The following PABPC1 variants were observed in gnomAD, a reference collection of about 807,000 sequenced individuals.
PABPC1 encodes the protein poly(A) binding protein cytoplasmic 1.
Under a neutral mutation model 74.0 loss-of-function variants are expected in PABPC1, and 4 were observed. The observed-to-expected ratio is 0.05, with a 90% confidence interval of 0.03 to 0.12. The LOEUF (loss-of-function observed/expected upper bound fraction) is 0.12, where lower values mean the gene tolerates loss of function less well. Among genes scored for constraint, PABPC1 ranks in the 10% least tolerant of loss-of-function variants. The pLI, the probability that PABPC1 is intolerant of heterozygous loss-of-function variation, is 1.00. For missense variants in PABPC1, 271 were observed against 821.1 expected, an observed-to-expected ratio of 0.33 and a Z score of 8.19; for synonymous variants, 227 against 264.1, an observed-to-expected ratio of 0.86 and a Z score of 1.36.
chr8:100,717,136 G>T (rs776059418), intron 3 of PABPC1, among the ~76,000 whole-genome samples: 7 of 151,992 alleles, frequency 4.6e-5, no homozygotes, highest in Non-Finnish European at 1.0e-4. Flanking sequence ...TCAGCCTCCC[G>T]AGTAGCTAGG....
intron 13 of PABPC1, 100 bp downstream of exon 13, chr8:100,704,826 T>A: frequency 2.5e-6 from 3 of 1,193,004 alleles, no homozygotes; most frequent in Non-Finnish European, 3.6e-6. Context: ...TGTACATGGC[T>A]TATATATAAC....
intron 1 of PABPC1, among the ~76,000 whole-genome samples, chr8:100,720,633 T>C (rs1173860674): frequency 6.6e-6 from 1 of 152,250 alleles, no homozygotes; most frequent in Admixed American, 6.5e-5. Flanking sequence ...ATGGTCTAAG[T>C]TGCCTGAGAA....
chr8:100,708,958 C>T (rs534390660), intron 9 of PABPC1, among the ~76,000 whole-genome samples, 175 bp downstream of exon 9: 102 of 152,168 alleles, frequency 6.7e-4, no homozygotes, highest in African/African-American at 2.4e-3. Flanking sequence ...GAAATCAAAC[C>T]ACTGTAGACA....
chr8:100,706,865 T>G (rs184994442), intron 10 of PABPC1, 22 bp downstream of exon 10: 90 of 1,077,456 alleles, frequency 8.4e-5, no homozygotes, highest in Non-Finnish European at 1.1e-4. Flanking sequence ...GATCAATTTT[T>G]AAAGGAAGGA....
In PABPC1 at chr8:100,721,569, G is replaced by A. The variant is rs771077880; in HGVS notation, c.15C>T (p.Ala5=). Residue 5 remains alanine (A), a synonymous_variant, in exon 1 of 15, where the codon GCC becomes GCT. Coordinates refer to ENST00000318607, the MANE Select transcript of PABPC1 (RefSeq NM_002568.4). The surrounding 1 kb of genome is among the most constrained non-coding windows in gnomAD (Gnocchi z 7.4). MNPS[A]PSYPMASLYV... is the part of the protein sequence containing the mutation. Reference sequence around the variant, plus strand: ...AGAGCGAGGCCATGGGGTAGCTGGGGGCACTGGGGTTCATCTCGGCACGGC... The same window carrying A: ...AGAGCGAGGCCATGGGGTAGCTGGGAGCACTGGGGTTCATCTCGGCACGGC... 6.9e-6 allele frequency: 11 copies of A among 1,593,394 alleles called. No individual in the cohort carries two copies. The highest frequency in any genetic ancestry group is 1.7e-5 in the Admixed American group (1 of 58,928).
chr8:100,704,499 G>C (rs1001443895), intron 13 of PABPC1, 109 bp from the exon 14 acceptor site: 16 of 940,232 alleles, frequency 1.7e-5, no homozygotes, highest in Non-Finnish European at 2.7e-5. Context: ...TCCCTCAAAT[G>C]AAAGTATAAA....
intron 8 of PABPC1, 33 bp downstream of exon 8, chr8:100,709,426 C>T: frequency 3.1e-6 from 5 of 1,604,150 alleles, no homozygotes; most frequent in Non-Finnish European, 4.3e-6. Flanking sequence ...AATACGAAAA[C>T]CTTCATGGTT....
Position 100,721,078 on chromosome 8 carries a change from G to A in PABPC1, c.193+313C>T, listed in dbSNP as rs1165236758. The stretch of plus-strand genomic sequence containing the variant: ...ACGCCCCAGAATCCCGGGGCCACTG[G>A]CGGGAGCGCCGCGGAGGAACCGAAT... On this transcript the variant is annotated intron_variant, in intron 1 of 14. Transcript: ENST00000318607. This position sits in a 1 kb window ranked among gnomAD's most constrained non-coding sequence, Gnocchi z 7.4. Among the ~76,000 whole-genome samples the A allele has an allele frequency of 2.6e-5, 4 of 152,182 alleles. No homozygotes were observed. The highest frequency in any genetic ancestry group is 7.2e-5 in the African/African-American group (3 of 41,452).
intron 9 of PABPC1, among the ~76,000 whole-genome samples, chr8:100,707,538 G>A (rs10109727): frequency 6.6e-6 from 1 of 152,180 alleles, no homozygotes; most frequent in Non-Finnish European, 1.5e-5. Flanking sequence ...GACAGCTTAC[G>A]CCATTGTTTC....
intron 1 of PABPC1, among the ~76,000 whole-genome samples, chr8:100,720,026 A>T (rs1490791182): frequency 6.6e-6 from 1 of 152,250 alleles, no homozygotes; most frequent in Non-Finnish European, 1.5e-5. Flanking sequence ...CACAGTGAAG[A>T]GCTGATCAGT....
chr8:100,708,283 C>T (rs538358787), intron 9 of PABPC1, among the ~76,000 whole-genome samples: 10 of 152,108 alleles, frequency 6.6e-5, no homozygotes, highest in Non-Finnish European at 1.3e-4. Context: ...GGCAAAATCC[C>T]GTCTCTACAA....
intron 11 of PABPC1, 97 bp from the exon 12 acceptor site, chr8:100,705,770 A>G: frequency 1.3e-6 from 1 of 787,624 alleles, no homozygotes; most frequent in South Asian, 1.5e-5. Context: ...GTAGACTTCC[A>G]TCGAAACATG....
chr8:100,719,805 A>C (rs1198430686), intron 1 of PABPC1, among the ~76,000 whole-genome samples: 1 of 152,224 alleles, frequency 6.6e-6, no homozygotes, highest in Non-Finnish European at 1.5e-5. Flanking sequence ...TTTCTCCACC[A>C]ACTCTTAGGT....
chr8:100,710,054 C>A (rs752490140), intron 7 of PABPC1, among the ~76,000 whole-genome samples: 5 of 152,108 alleles, frequency 3.3e-5, no homozygotes, highest in Non-Finnish European at 7.4e-5. Flanking sequence ...ACATCCCAGG[C>A]CTACTAAATT....
At chr8:100,719,156 A>C (rs1162933310) in intron 1 of PABPC1, among the ~76,000 whole-genome samples, 1 of 152,232 alleles carries the variant, frequency 6.6e-6, no homozygotes, top group African/African-American at 2.4e-5. Flanking sequence ...GCTCTAAATG[A>C]AATAACACAT....
At chr8:100,712,963 C>T (rs1384618234) in intron 5 of PABPC1, 124 bp downstream of exon 5, 12 of 1,017,092 alleles carry the variant, frequency 1.2e-5, no homozygotes, top group Non-Finnish European at 1.7e-5. Context: ...AAACCTAATG[C>T]ATAAAATGCA....
intron 7 of PABPC1, among the ~76,000 whole-genome samples, chr8:100,710,296 T>C (rs2039231056): frequency 6.6e-6 from 1 of 152,182 alleles, no homozygotes; most frequent in Non-Finnish European, 1.5e-5. Flanking sequence ...ACCTTTTAAA[T>C]GAGCAATGAA....
intron 2 of PABPC1, 75 bp from the exon 3 acceptor site, chr8:100,717,963 G>A: frequency 1.5e-6 from 2 of 1,343,900 alleles, no homozygotes; most frequent in South Asian, 2.4e-5. Context: ...GAGACAATCT[G>A]TTAGCCATCT....
In PABPC1 at chr8:100,721,323, G is replaced by C; in HGVS notation, c.193+68C>G. ...CTCCCCGGGCCCGCCGGCCTACCCC[G>C]CCCGCCGCCGCCGCCCGAGCCTCAT... On this transcript the variant is annotated intron_variant, in intron 1 of 14. Coordinates refer to ENST00000318607, the MANE Select transcript of PABPC1 (RefSeq NM_002568.4). The surrounding 1 kb of genome is among the most constrained non-coding windows in gnomAD (Gnocchi z 7.4). The C allele has an allele frequency of 1.5e-5, 7 of 453,662 alleles. No homozygotes were observed. The highest frequency in any genetic ancestry group is 1.8e-5 in the Non-Finnish European group (6 of 328,052). The allele number at this position is 453,662 out of a possible 1,614,324, so 28.1% of individuals were successfully genotyped here. A position where few individuals can be genotyped will look rare whatever the true frequency, so the allele number is the denominator to read the frequency against.
Sources: gnomAD v4.1 joint callset for allele counts (sites outside exome capture counted in the v4.1 genomes callset) on GRCh38, gnomAD v4.1.1 for gene constraint, Gnocchi (gnomAD v3.1) non-coding constraint, MANE v1.5 for transcripts, NCBI Gene and HGNC (gene_info 2026-07-23, HGNC 2026-07-21) for gene names.